Variants in CYTH3 observed in about 807,000 individuals in gnomAD.
CYTH3 encodes cytohesin-3.
CYTH3 carries 23 observed loss-of-function variants against 55.1 expected under a neutral mutation model. The observed-to-expected ratio is 0.42, with a 90% CI of 0.30 to 0.59. The LOEUF is 0.59. Among genes scored for constraint, CYTH3 ranks in the 20% least tolerant of loss-of-function variants. The pLI, the probability that CYTH3 is intolerant of heterozygous loss-of-function variation, is 0.20. For synonymous variants in CYTH3, 249 were observed against 194.9 expected (o/e 1.28, Z -2.31); for missense variants, 413 against 524.8 (o/e 0.79, Z 2.08).
At chr7:6,193,956 G>A (rs976397810) in intron 1 of CYTH3, among the ~76,000 whole-genome samples, 4 of 152,118 alleles carry the variant, frequency 2.6e-5, no homozygotes, top group Non-Finnish European at 4.4e-5. Flanking sequence ...TGGGACAAGC[G>A]TCTTCTCTGA....
In CYTH3 at chr7:6,272,623, G is replaced by C. The variant is rs1032739055; in HGVS notation, c.-116C>G. ...CGGGCGGCTCCTCAGCGCGCGGCCCGGGTCGCGGCCGGGCCTCCTCCCGCC... is the reference window on the plus strand; with the variant it reads ...CGGGCGGCTCCTCAGCGCGCGGCCCCGGTCGCGGCCGGGCCTCCTCCCGCC... On this transcript the variant is annotated 5_prime_UTR_variant, in exon 1 of 13. Coordinates refer to ENST00000350796, the MANE Select transcript of CYTH3 (RefSeq NM_004227.4). 8 of 750,996 alleles carry C rather than the reference G, an allele frequency of 1.1e-5. No individual in the cohort carries two copies. The highest frequency in any genetic ancestry group is 1.9e-5 in the African/African-American group (1 of 52,370). The allele number at this position is 750,996 out of a possible 1,614,324, so 46.5% of individuals were successfully genotyped here.
rs1172197582 is a variant in CYTH3, at chr7:6,252,255, T to TG, written c.34+20218dup. On this transcript the variant is annotated intron_variant, in intron 1 of 12. Coordinates refer to ENST00000350796, the MANE Select transcript of CYTH3 (RefSeq NM_004227.4). ...TGCTATCTCTATACCAGCATGAACA[T>TG]GAACAGTATTTTGAAGAATCTTTGC... Among the ~76,000 whole-genome samples, 63 of 152,330 alleles carry TG rather than the reference T, an allele frequency of 4.1e-4. 1 individual carries two copies. Among genetic ancestry groups the TG allele is most frequent in the Admixed American group, 4.1e-3 (63 of 15,302 alleles).
chr7:6,241,788 AATTATGACAGCT>A (rs1562406313), intron 1 of CYTH3, among the ~76,000 whole-genome samples: 3 of 152,152 alleles, frequency 2.0e-5, no homozygotes, highest in Non-Finnish European at 2.9e-5. Context: ...GGAAAAGCTC[AATTATGACAGCT>A]ATCAGTTTTA....
At chr7:6,218,123 T>C (rs1784466982) in intron 1 of CYTH3, among the ~76,000 whole-genome samples, 2 of 149,730 alleles carry the variant, frequency 1.3e-5, no homozygotes, top group Admixed American at 6.6e-5. Context: ...GAGGTTGCAG[T>C]GAGCCGAGAT....
chr7:6,251,663 C>G (rs1195677903), intron 1 of CYTH3, among the ~76,000 whole-genome samples: 1 of 152,150 alleles, frequency 6.6e-6, no homozygotes, highest in South Asian at 2.1e-4. Flanking sequence ...AGACACTGAA[C>G]AACATTTTTG....
chr7:6,184,640 A>G (rs962273147), intron 4 of CYTH3, among the ~76,000 whole-genome samples: 10 of 151,900 alleles, frequency 6.6e-5, no homozygotes, highest in Non-Finnish European at 1.2e-4. Flanking sequence ...GAGTGCAGTG[A>G]TGCAATCTCA....
Position 6,165,829 on chromosome 7 carries a change from C to A in CYTH3, c.824-19G>T, listed in dbSNP as rs111477148. The A allele has an allele frequency of 1.3e-3, 2,036 of 1,613,446 alleles. 25 individuals carry two copies. The African/African-American group carries it at 0.024, about 19-fold the overall frequency. On this transcript the variant is annotated intron_variant, in intron 9 of 12. Transcript: ENST00000350796. ...CGCCCTCCTAGAAGCAGAAGGGCCC[C>A]GTGAGTCTGCGCTCCGTGCACAGGG... is the stretch of plus-strand genomic sequence containing the variant.
chr7:6,207,812 C>T (rs905142976), intron 1 of CYTH3, among the ~76,000 whole-genome samples: 3 of 151,824 alleles, frequency 2.0e-5, no homozygotes, highest in Non-Finnish European at 4.4e-5. Context: ...TACCTGGGTG[C>T]AGTGGTATAT....
intron 5 of CYTH3, among the ~76,000 whole-genome samples, chr7:6,177,292 CT>C (rs1467388351): frequency 6.6e-6 from 1 of 152,216 alleles, no homozygotes; most frequent in Non-Finnish European, 1.5e-5. Flanking sequence ...AAAACACTTT[CT>C]TCTGGTCTTT....
chr7:6,264,653 C>T (rs910367756), intron 1 of CYTH3, among the ~76,000 whole-genome samples: 2 of 152,050 alleles, frequency 1.3e-5, no homozygotes, highest in African/African-American at 2.4e-5. Flanking sequence ...GGCCCCATAT[C>T]GAATTCATAA....
intron 1 of CYTH3, among the ~76,000 whole-genome samples, chr7:6,253,815 C>A (rs1324105287): frequency 6.7e-6 from 1 of 149,350 alleles, no homozygotes; most frequent in African/African-American, 2.5e-5. Flanking sequence ...GATGCTGTCT[C>A]AAAAATAAAA....
intron 1 of CYTH3, among the ~76,000 whole-genome samples, chr7:6,259,821 TATATATATATA>T (rs1562418192): frequency 0.014 from 374 of 26,496 alleles, 12 homozygotes; most frequent in South Asian, 0.017. Flanking sequence ...ATAATATATA[TATATATATATA>T]TTTTTTTTTT....
intron 1 of CYTH3, among the ~76,000 whole-genome samples, chr7:6,263,185 A>C (rs1445401364): frequency 6.6e-6 from 1 of 152,186 alleles, no homozygotes; most frequent in Non-Finnish European, 1.5e-5. Context: ...CTAATATAAC[A>C]GCTTTTAAAA....
intron 1 of CYTH3, 65 bp downstream of exon 1, chr7:6,272,409 C>CGGGGGGGGGGGGGGGG: frequency 5.5e-5 from 67 of 1,212,266 alleles, no homozygotes; most frequent in African/African-American, 1.8e-4. Context: ...GCCGCGCCCT[C>CGGGGGGGGGGGGGGGG]GACCCCCAGC....
At chr7:6,218,446 T>C (rs1363652549) in intron 1 of CYTH3, among the ~76,000 whole-genome samples, 4 of 152,170 alleles carry the variant, frequency 2.6e-5, no homozygotes, top group Non-Finnish European at 4.4e-5. Context: ...GACACCTTCA[T>C]TTTGGCCCAG....
At chr7:6,233,517 G>C (rs767266893) in intron 1 of CYTH3, among the ~76,000 whole-genome samples, 1 of 152,032 alleles carries the variant, frequency 6.6e-6, no homozygotes, top group Non-Finnish European at 1.5e-5. Flanking sequence ...TTAGCTGGGC[G>C]TGGTGGTGGG....
chr7:6,266,111 GC>G (rs1312440819), intron 1 of CYTH3, among the ~76,000 whole-genome samples: 3 of 151,812 alleles, frequency 2.0e-5, no homozygotes, highest in Non-Finnish European at 4.4e-5. Flanking sequence ...AACCCACCAA[GC>G]CCCGTAACTC....
intron 1 of CYTH3, among the ~76,000 whole-genome samples, chr7:6,193,466 G>C (rs1458309468): frequency 6.6e-6 from 1 of 151,908 alleles, no homozygotes; most frequent in Non-Finnish European, 1.5e-5. Flanking sequence ...ACAACAAAGA[G>C]AATGGAAACA....
At chr7:6,195,630 A>G (rs1172516405) in intron 1 of CYTH3, among the ~76,000 whole-genome samples, 2 of 151,954 alleles carry the variant, frequency 1.3e-5, no homozygotes, top group Non-Finnish European at 2.9e-5. Flanking sequence ...AATTTTTTGT[A>G]TTCACACTGC....
Sources: gnomAD v4.1 joint callset for allele counts (sites outside exome capture counted in the v4.1 genomes callset) on GRCh38, gnomAD v4.1.1 for gene constraint, MANE v1.5 for transcripts, NCBI Gene and HGNC (gene_info 2026-07-23, HGNC 2026-07-21) for gene names.